Variants in PRKN observed in about 807,000 individuals in gnomAD.
PRKN encodes the protein E3 ubiquitin-protein ligase parkin.
Under a neutral mutation model 59.5 loss-of-function variants are expected in PRKN, and 56 were observed. The ratio of observed to expected loss-of-function variants is 0.94; its 90% CI spans 0.76 to 1.18. The LOEUF (loss-of-function observed/expected upper bound fraction) is 1.18, where lower values mean the gene tolerates loss of function less well. Ranked by LOEUF, PRKN falls within the 50% of genes most tolerant of loss-of-function variation. The pLI, the probability that PRKN is intolerant of heterozygous loss-of-function variation, is 0.00. For synonymous variants in PRKN, 250 were observed against 222.1 expected (o/e 1.13, Z -1.12); for missense variants, 657 against 596.4 (o/e 1.10, Z -1.06).
intron 7 of PRKN, among the ~76,000 whole-genome samples, chr6:161,680,775 A>ATATATATATATTTTTTT (rs1216235673): frequency 3.3e-5 from 1 of 30,628 alleles, no homozygotes; most frequent in African/African-American, 1.2e-4. Context: ...ATATATATAT[A>ATATATATATATTTTTTT]TTTTTTTTTT....
intron 4 of PRKN, among the ~76,000 whole-genome samples, chr6:162,152,649 C>T (rs934041102): frequency 3.3e-5 from 5 of 151,992 alleles, no homozygotes; most frequent in African/African-American, 1.2e-4. Context: ...GGTATCAGCC[C>T]CAGAAGAATA....
Position 161,359,403 on chromosome 6 carries a change from G to T in PRKN, c.1285+685C>A, listed in dbSNP as rs1784891493. Among the ~76,000 whole-genome samples the T allele has an allele frequency of 6.6e-6, 1 of 152,228 alleles. No homozygotes were observed. Among genetic ancestry groups the T allele is most frequent in the Non-Finnish European group, 1.5e-5 (1 of 68,038 alleles). ...AGCTCTGGGCAACCTGCCAGCCAGG[G>T]CGTAGCTGATGCTCATTAAGGAGAA... On this transcript the variant is annotated intron_variant, in intron 11 of 11. Coordinates refer to ENST00000366898, the MANE Select transcript of PRKN (RefSeq NM_004562.3). The surrounding 1 kb of genome is among the most constrained non-coding windows in gnomAD (Gnocchi z 5.4).
At chr6:162,564,175 T>C (rs577293467) in intron 1 of PRKN, among the ~76,000 whole-genome samples, 29 of 151,904 alleles carry the variant, frequency 1.9e-4, no homozygotes, top group Middle Eastern at 3.4e-3. Context: ...TGAAACCCCG[T>C]CTCTACAAAA....
chr6:161,984,419 G>C (rs1458723397), intron 5 of PRKN, among the ~76,000 whole-genome samples: 1 of 151,928 alleles, frequency 6.6e-6, no homozygotes, highest in African/African-American at 2.4e-5. Context: ...TACCATGCTG[G>C]GTTAATTTTT....
intron 7 of PRKN, among the ~76,000 whole-genome samples, chr6:161,675,935 C>T (rs1357338039): frequency 6.6e-6 from 1 of 152,230 alleles, no homozygotes; most frequent in Non-Finnish European, 1.5e-5. Flanking sequence ...TTGCAGCACT[C>T]AGGTGAGGCT....
intron 4 of PRKN, among the ~76,000 whole-genome samples, chr6:162,122,601 CATATT>C (rs1780959268): frequency 6.6e-6 from 1 of 152,086 alleles, no homozygotes; most frequent in Admixed American, 6.6e-5. Flanking sequence ...TGATTTTTCT[CATATT>C]ATCAAGTCTC....
intron 2 of PRKN, among the ~76,000 whole-genome samples, chr6:162,309,251 G>A (rs141882858): frequency 6.6e-6 from 1 of 152,106 alleles, no homozygotes; most frequent in Non-Finnish European, 1.5e-5. Context: ...TGCAACCTAC[G>A]ACTCCCAGGT....
Position 161,410,932 on chromosome 6 carries a change from G to T in PRKN, c.1084-24055C>A. On this transcript the variant is annotated intron_variant, in intron 9 of 11. Transcript: ENST00000366898. This position sits in a 1 kb window ranked among gnomAD's most constrained non-coding sequence, Gnocchi z 5.3. ...GGTTTGATCATGTTTACAAAATCTG[G>T]CTAAACAGGAAGTTTCATCCTGAAA... is the stretch of plus-strand genomic sequence containing the variant. Among the ~76,000 whole-genome samples the T allele has an allele frequency of 6.6e-6, 1 of 152,144 alleles. No individual in the cohort carries two copies. The highest frequency in any genetic ancestry group is 1.9e-4 in the East Asian group (1 of 5,196).
chr6:161,657,606 T>C (rs571734321), intron 7 of PRKN, among the ~76,000 whole-genome samples: 1 of 152,260 alleles, frequency 6.6e-6, no homozygotes, highest in African/African-American at 2.4e-5. Context: ...AACAACCAAA[T>C]TGCTAACAGT....
intron 2 of PRKN, among the ~76,000 whole-genome samples, chr6:162,322,007 T>C (rs1207794997): frequency 6.6e-6 from 1 of 151,816 alleles, no homozygotes; most frequent in Non-Finnish European, 1.5e-5. Flanking sequence ...GTGCAATAAG[T>C]CAAGAAAAAT....
chr6:162,412,728 T>C (rs926820327), intron 2 of PRKN, among the ~76,000 whole-genome samples: 7 of 152,174 alleles, frequency 4.6e-5, no homozygotes, highest in Non-Finnish European at 1.0e-4. Flanking sequence ...TTACTGCTTA[T>C]CTTTTGTTTA....
At chr6:162,098,731 T>C (rs924154316) in intron 4 of PRKN, among the ~76,000 whole-genome samples, 3 of 152,256 alleles carry the variant, frequency 2.0e-5, no homozygotes, top group African/African-American at 4.8e-5. Context: ...TTCGGAGTGA[T>C]TGGAAGACAT....
intron 3 of PRKN, among the ~76,000 whole-genome samples, chr6:162,226,086 AATAATAATAAT>A (rs201687845): frequency 0.032 from 3,862 of 118,924 alleles, 138 homozygotes; most frequent in African/African-American, 0.11. Context: ...TAATAATAAT[AATAATAATAAT>A]AAAATTAGAT....
intron 7 of PRKN, among the ~76,000 whole-genome samples, chr6:161,580,508 C>T (rs373779611): frequency 4.6e-5 from 7 of 152,056 alleles, no homozygotes; most frequent in African/African-American, 9.7e-5. Flanking sequence ...CACGGAGTCT[C>T]GCTCTGTCAC....
At chr6:162,359,653 A>G (rs1333239785) in intron 2 of PRKN, among the ~76,000 whole-genome samples, 1 of 152,108 alleles carries the variant, frequency 6.6e-6, no homozygotes, top group African/African-American at 2.4e-5. Context: ...GAGGCAGCTA[A>G]ACCAGTATTT....
chr6:162,618,100 T>C (rs1450537891), intron 1 of PRKN, among the ~76,000 whole-genome samples: 2 of 152,224 alleles, frequency 1.3e-5, no homozygotes, highest in Non-Finnish European at 1.5e-5. Context: ...TATACTTTCA[T>C]GTGAATAAAA....
intron 4 of PRKN, among the ~76,000 whole-genome samples, chr6:162,118,725 C>G (rs570034616): frequency 6.6e-5 from 10 of 152,288 alleles, no homozygotes; most frequent in Non-Finnish European, 1.2e-4. Flanking sequence ...ATAAGGTAAC[C>G]AGTGCATTAC....
At chr6:162,254,983 T>C (rs1016152300) in intron 3 of PRKN, among the ~76,000 whole-genome samples, 1 of 151,946 alleles carries the variant, frequency 6.6e-6, no homozygotes, top group African/African-American at 2.4e-5. Flanking sequence ...ATGCCATCCA[T>C]CATTATCATA....
chr6:162,462,264 CAT>C (rs1378387272), intron 1 of PRKN, among the ~76,000 whole-genome samples: 1 of 152,164 alleles, frequency 6.6e-6, no homozygotes, highest in Non-Finnish European at 1.5e-5. Context: ...AAAATATCTA[CAT>C]GTTTATATTT....
Sources: gnomAD v4.1 joint callset for allele counts (sites outside exome capture counted in the v4.1 genomes callset) on GRCh38, gnomAD v4.1.1 for gene constraint, Gnocchi (gnomAD v3.1) non-coding constraint, MANE v1.5 for transcripts, NCBI Gene and HGNC (gene_info 2026-07-23, HGNC 2026-07-21) for gene names.